The following SLC8A3 variants were observed in gnomAD, a reference collection of about 807,000 sequenced individuals.
SLC8A3 encodes the protein sodium/calcium exchanger 3.
Under a neutral mutation model 65.4 loss-of-function variants are expected in SLC8A3, and 37 were observed. The observed-to-expected ratio is 0.57, with a 90% CI of 0.44 to 0.74. The LOEUF (loss-of-function observed/expected upper bound fraction) is 0.74. SLC8A3 is among the 30% of genes least tolerant of loss of function. The pLI is 0.00. For missense variants in SLC8A3, 1,112 were observed against 1,172.1 expected (o/e 0.95, Z 0.75); for synonymous variants, 461 against 444.5 (o/e 1.04, Z -0.47).
chr14:70,052,270 A>T (rs564528856), intron 3 of SLC8A3, among the ~76,000 whole-genome samples, 156 bp from the exon 4 acceptor site: 34 of 152,366 alleles, frequency 2.2e-4, no homozygotes, highest in African/African-American at 7.9e-4. Context: ...ATGAAGTACT[A>T]AACACTTTAT....
rs1484501896 is a variant in SLC8A3 at position 70,048,932 on chromosome 14, G to A, written c.2224C>T (p.Pro742Ser). Residue 742 changes from proline to serine, a missense_variant, in exon 6 of 7, where the codon CCC (proline) becomes TCC (serine). Coordinates refer to ENST00000356921, the MANE Select transcript of SLC8A3 (RefSeq NM_182932.3). ...GCCCAGCCGTGGCAGTACTCTGTGGGGGGCACACAGGCAAACAGCACCTTC... is the reference window on the plus strand; with the variant it reads ...GCCCAGCCGTGGCAGTACTCTGTGGAGGGCACACAGGCAAACAGCACCTTC... ...FWKVLFACVP[P>S]TEYCHGWACF... The A allele has an allele frequency of 5.6e-6, 9 of 1,614,246 alleles. No individual in the cohort carries two copies. In the South Asian group the frequency reaches 9.9e-5, roughly 18 times the overall value.
intron 2 of SLC8A3, among the ~76,000 whole-genome samples, chr14:70,073,516 A>G (rs1356966107): frequency 1.3e-5 from 2 of 152,202 alleles, no homozygotes; most frequent in Non-Finnish European, 2.9e-5. Context: ...TCTGGGAATA[A>G]ATGATTGCTG....
intron 2 of SLC8A3, among the ~76,000 whole-genome samples, chr14:70,093,342 AG>A (rs780935959): frequency 1.3e-5 from 2 of 152,196 alleles, no homozygotes; most frequent in Non-Finnish European, 2.9e-5. Flanking sequence ...CGTGGTGCAC[AG>A]GGTATTTGGT....
chr14:70,166,863 T>C lies in SLC8A3; in HGVS notation c.1560A>G (p.Thr520=), dbSNP rs746948844. 3.0e-5 allele frequency: 48 copies of C among 1,613,998 alleles called. No individual in the cohort carries two copies. The highest frequency in any genetic ancestry group is 2.1e-4 in the South Asian group (19 of 91,080). ...CATGGTCATCATCCAAGATGGTAAC[T>C]GTGGCCACACAAGGGGAGGCTAGGA... ...RAVLASPCVA[T]VTILDDDHAG... The change falls in exon 2 of 7, where the codon ACA becomes ACG. Residue 520 remains threonine, a synonymous_variant. Transcript: ENST00000356921.
chr14:70,064,539 G>A (rs781002423), intron 2 of SLC8A3, among the ~76,000 whole-genome samples: 4 of 151,650 alleles, frequency 2.6e-5, no homozygotes, highest in South Asian at 2.1e-4. Context: ...GGGTTGGGTC[G>A]GGGGTGGTGG....
At chr14:70,189,044 C>T (rs1883601591), upstream of SLC8A3, 1 of 152,244 alleles carries the variant, frequency 6.6e-6, no homozygotes, top group Non-Finnish European at 1.5e-5. Flanking sequence ...AACGGAACGT[C>T]ACCCTATCAG....
chr14:70,048,806 T>C lies in SLC8A3; in HGVS notation c.2350A>G (p.Thr784Ala), dbSNP rs1196556491. 1.2e-6 allele frequency: 2 copies of C among 1,614,084 alleles called. No individual in the cohort carries two copies. The highest frequency in any genetic ancestry group is 2.7e-5 in the African/African-American group (2 of 75,062). ...GCTIGLKDSVTAVVFVAFGTS... is the reference protein window; with the variant it reads ...GCTIGLKDSVAAVVFVAFGTS... Reference sequence around the variant, plus strand: ...CCAAATGCCACGAAAACAACAGCTGTGACTGAATCTTTGAGACCAATGGTG... The same window carrying C: ...CCAAATGCCACGAAAACAACAGCTGCGACTGAATCTTTGAGACCAATGGTG... The change falls in exon 6 of 7, where the codon ACA (threonine) becomes GCA (alanine). Residue 784 changes from threonine (T) to alanine (A), a missense_variant. Transcript: ENST00000356921.
intron 2 of SLC8A3, among the ~76,000 whole-genome samples, chr14:70,135,764 G>T (rs1895154402): frequency 6.6e-6 from 1 of 152,036 alleles, no homozygotes; most frequent in South Asian, 2.1e-4. Flanking sequence ...TGGGAAGGAG[G>T]ACATAAAGAA....
At chr14:70,171,143 G>A (rs1798419297) in intron 1 of SLC8A3, among the ~76,000 whole-genome samples, 1 of 152,136 alleles carries the variant, frequency 6.6e-6, no homozygotes, top group Non-Finnish European at 1.5e-5. Context: ...CAGATGGTAG[G>A]CACAGCTGAG....
At chr14:70,142,526 C>T (rs1184935973) in intron 2 of SLC8A3, among the ~76,000 whole-genome samples, 2 of 152,114 alleles carry the variant, frequency 1.3e-5, no homozygotes, top group Non-Finnish European at 2.9e-5. Flanking sequence ...TAATCTTGAC[C>T]AAGGAGAAAA....
intron 2 of SLC8A3, among the ~76,000 whole-genome samples, chr14:70,078,924 T>A (rs1890784074): frequency 6.6e-6 from 1 of 152,212 alleles, no homozygotes; most frequent in South Asian, 2.1e-4. Context: ...AAAGTGGGCA[T>A]CACCTTTACA....
At chr14:70,175,803 C>T (rs1056269180) in intron 1 of SLC8A3, among the ~76,000 whole-genome samples, 13 of 149,118 alleles carry the variant, frequency 8.7e-5, no homozygotes, top group Admixed American at 2.0e-4. Context: ...GGCGCAATCT[C>T]GGCTCACCGC....
In SLC8A3 at chr14:70,167,898, G is replaced by A; in HGVS notation, c.525C>T (p.Ala175=). 2.5e-6 allele frequency: 4 copies of A among 1,614,146 alleles called. No individual in the cohort carries two copies. The highest frequency in any genetic ancestry group is 3.4e-6 in the Non-Finnish European group (4 of 1,180,028). The change falls in exon 2 of 7, where the codon GCC becomes GCT. Residue 175 remains alanine (A), a synonymous_variant. Transcript: ENST00000356921. ...LGPSTIVGSA[A]FNMFIIIGIC... ...TGCCAATGATGATGAACATGTTGAA[G>A]GCTGCACTCCCTACAATGGTAGAAG...
chr14:70,161,133 A>ATG (rs1488716555), intron 2 of SLC8A3, among the ~76,000 whole-genome samples: 4 of 146,192 alleles, frequency 2.7e-5, no homozygotes, highest in Non-Finnish European at 6.0e-5. Flanking sequence ...ATATATATAT[A>ATG]TAAATATAAA....
At chr14:70,155,523 C>T (rs752305598) in intron 2 of SLC8A3, among the ~76,000 whole-genome samples, 8 of 152,146 alleles carry the variant, frequency 5.3e-5, no homozygotes, top group African/African-American at 9.7e-5. Flanking sequence ...TCTGTGTTCG[C>T]GGGTAAATTA....
intron 2 of SLC8A3, among the ~76,000 whole-genome samples, chr14:70,078,288 A>T (rs982403944): frequency 6.6e-6 from 1 of 152,210 alleles, no homozygotes; most frequent in Non-Finnish European, 1.5e-5. Context: ...ACTTTCCCAG[A>T]TCTTGCCCAT....
intron 5 of SLC8A3, among the ~76,000 whole-genome samples, chr14:70,050,561 A>T (rs375125005): frequency 6.6e-6 from 1 of 152,270 alleles, no homozygotes; most frequent in East Asian, 1.9e-4. Context: ...GTTTTGTTGG[A>T]GAGTCAATGC....
chr14:70,127,067 C>T (rs1122707), intron 2 of SLC8A3, among the ~76,000 whole-genome samples: 15,954 of 151,944 alleles, frequency 0.1, 1,103 homozygotes, highest in Non-Finnish European at 0.16. Context: ...TAATAAAAAA[C>T]ACCCTGCATT....
intron 3 of SLC8A3, among the ~76,000 whole-genome samples, chr14:70,060,409 C>CT (rs1210262157): frequency 1.3e-5 from 2 of 151,992 alleles, no homozygotes; most frequent in East Asian, 1.9e-4. Flanking sequence ...CATCACATTC[C>CT]TTTTTTTTCT....
Sources: allele counts gnomAD v4.1 joint callset (sites outside exome capture counted in the v4.1 genomes callset), GRCh38; gene constraint gnomAD v4.1.1; transcripts MANE v1.5; gene names NCBI Gene and HGNC (gene_info 2026-07-23, HGNC 2026-07-21).